Variants in TTC28 observed in about 807,000 individuals in gnomAD.
The protein encoded by TTC28 is tetratricopeptide repeat protein 28.
TTC28 carries 61 observed loss-of-function variants against 198.0 expected under a neutral mutation model. The observed-to-expected ratio is 0.31, with a 90% CI of 0.25 to 0.38. The LOEUF is 0.38. Among genes scored for constraint, TTC28 ranks in the 10% least tolerant of loss-of-function variants. TTC28 has a pLI of 1.00. For missense variants in TTC28, 2,678 were observed against 3,164.0 expected (o/e 0.85, Z 3.69); for synonymous variants, 1,171 against 1,297.8 (o/e 0.90, Z 2.10).
intron 5 of TTC28, among the ~76,000 whole-genome samples, chr22:28,215,188 G>A (rs539383878): frequency 4.6e-5 from 7 of 152,274 alleles, no homozygotes; most frequent in African/African-American, 1.2e-4. Flanking sequence ...TGTAAATGAC[G>A]AGTTAATGGG....
intron 6 of TTC28, among the ~76,000 whole-genome samples, chr22:28,156,920 C>T (rs1296659885): frequency 6.6e-6 from 1 of 151,504 alleles, no homozygotes; most frequent in African/African-American, 2.4e-5. Flanking sequence ...CAAACCAAAC[C>T]CAAAATCAGT....
At chr22:28,347,594 G>C (rs1321079919) in intron 2 of TTC28, among the ~76,000 whole-genome samples, 2 of 152,220 alleles carry the variant, frequency 1.3e-5, no homozygotes, top group African/African-American at 4.8e-5. Context: ...GCACCTGGCT[G>C]AGTGCAGTGG....
At chr22:28,598,334 C>A (rs1217258811) in intron 2 of TTC28, among the ~76,000 whole-genome samples, 7 of 151,502 alleles carry the variant, frequency 4.6e-5, no homozygotes, top group African/African-American at 9.7e-5. Context: ...CATGGTGAAA[C>A]CCCATCTCTA....
chr22:28,462,994 C>T lies in TTC28; in HGVS notation c.382-156351G>A, dbSNP rs550484019. ...GGACAACAGTACAATAGCTTAAATG[C>T]CCATAATTTGATACAGCAAAGATAT... On this transcript the variant is annotated intron_variant, in intron 2 of 22. Transcript: ENST00000397906. Among the ~76,000 whole-genome samples, 83 of 152,124 alleles carry T rather than the reference C, an allele frequency of 5.5e-4. 1 individual carries two copies. Among genetic ancestry groups the T allele is most frequent in the Non-Finnish European group, 1.1e-3 (76 of 68,030 alleles).
At chr22:28,417,721 G>GA (rs1238648424) in intron 2 of TTC28, among the ~76,000 whole-genome samples, 1 of 152,176 alleles carries the variant, frequency 6.6e-6, no homozygotes, top group African/African-American at 2.4e-5. Context: ...CTTCCTGACA[G>GA]AAAAATGGCA....
intron 2 of TTC28, among the ~76,000 whole-genome samples, chr22:28,572,726 G>C (rs118084384): frequency 6.6e-6 from 1 of 152,190 alleles, no homozygotes; most frequent in Non-Finnish European, 1.5e-5. Context: ...GTGTGGGGAA[G>C]AACAGAGCAT....
At chr22:28,198,711 C>T (rs2147146733) in intron 5 of TTC28, among the ~76,000 whole-genome samples, 1 of 152,146 alleles carries the variant, frequency 6.6e-6, no homozygotes, top group East Asian at 1.9e-4. Flanking sequence ...CCCGGTTCCA[C>T]ACACGTATTG....
intron 12 of TTC28, among the ~76,000 whole-genome samples, chr22:28,069,499 C>T (rs1275822057): frequency 6.6e-6 from 1 of 152,162 alleles, no homozygotes; most frequent in Non-Finnish European, 1.5e-5. Flanking sequence ...TGAGAATTAA[C>T]TTGGCATCAC....
At chr22:28,660,137 A>C (rs1174192670) in intron 1 of TTC28, among the ~76,000 whole-genome samples, 1 of 152,318 alleles carries the variant, frequency 6.6e-6, no homozygotes, top group Non-Finnish European at 1.5e-5. Flanking sequence ...TTTTCAGGAA[A>C]TTATATCTTT....
chr22:28,044,985 G>A (rs948413856), intron 12 of TTC28, among the ~76,000 whole-genome samples: 1 of 152,130 alleles, frequency 6.6e-6, no homozygotes, highest in Non-Finnish European at 1.5e-5. Context: ...TAGCCTGTGT[G>A]TATGAATACA....
intron 2 of TTC28, among the ~76,000 whole-genome samples, chr22:28,537,186 G>A (rs887312370): frequency 6.6e-6 from 1 of 151,348 alleles, no homozygotes. Context: ...CCAGCTACTC[G>A]GGAGGCCGAG....
chr22:27,991,127 T>A (rs1020628141), intron 19 of TTC28, among the ~76,000 whole-genome samples: 1 of 151,744 alleles, frequency 6.6e-6, no homozygotes, highest in Admixed American at 6.6e-5. Flanking sequence ...GAAACCAAAG[T>A]CCCTGGTTCC....
chr22:28,523,529 T>A (rs1488325969), intron 2 of TTC28, among the ~76,000 whole-genome samples: 2 of 152,152 alleles, frequency 1.3e-5, no homozygotes, highest in Non-Finnish European at 2.9e-5. Context: ...CAAAGGGATG[T>A]CAAGGGAGGT....
chr22:28,633,278 C>G (rs2051209629), intron 1 of TTC28, among the ~76,000 whole-genome samples: 1 of 137,002 alleles, frequency 7.3e-6, no homozygotes, highest in African/African-American at 2.8e-5. Flanking sequence ...AAGACTCTGT[C>G]TCAAAAAAAA....
Position 28,238,598 on chromosome 22 carries a change from T to A in TTC28, c.933+57600A>T, listed in dbSNP as rs189675876. ...GTTTTTAAGTTTTTTAAGGATGAGT[T>A]GAGCATAGCCTTTACCAGGGCTGTT... is the stretch of plus-strand genomic sequence containing the variant. On this transcript the variant is annotated intron_variant, in intron 5 of 22. Coordinates refer to ENST00000397906, the MANE Select transcript of TTC28 (RefSeq NM_001145418.2). Among the ~76,000 whole-genome samples the A allele has an allele frequency of 1.4e-4, 21 of 152,332 alleles. No individual in the cohort carries two copies. In the Middle Eastern group the frequency reaches 0.01, roughly 74 times the overall value.
intron 2 of TTC28, among the ~76,000 whole-genome samples, chr22:28,485,693 A>G (rs1029821522): frequency 6.6e-6 from 1 of 152,184 alleles, no homozygotes; most frequent in Non-Finnish European, 1.5e-5. Flanking sequence ...ATGAATATCA[A>G]AAGGGAAAGA....
chr22:28,452,250 C>T (rs1161216077), intron 2 of TTC28, among the ~76,000 whole-genome samples: 1 of 151,812 alleles, frequency 6.6e-6, no homozygotes, highest in Non-Finnish European at 1.5e-5. Context: ...ATTAGCTGGG[C>T]ATGGTGGCAT....
chr22:28,354,748 G>T (rs1225625343), intron 2 of TTC28, among the ~76,000 whole-genome samples: 1 of 152,146 alleles, frequency 6.6e-6, no homozygotes, highest in African/African-American at 2.4e-5. Flanking sequence ...ACTGGCACAT[G>T]ACTCAATGTT....
At chr22:28,385,793 C>T (rs2046572988) in intron 2 of TTC28, among the ~76,000 whole-genome samples, 2 of 152,144 alleles carry the variant, frequency 1.3e-5, no homozygotes, top group African/African-American at 4.8e-5. Context: ...TTATCTTTCA[C>T]TAAATATCCC....
Sources: gnomAD v4.1 joint callset for allele counts (sites outside exome capture counted in the v4.1 genomes callset) on GRCh38, gnomAD v4.1.1 for gene constraint, MANE v1.5 for transcripts, NCBI Gene and HGNC (gene_info 2026-07-23, HGNC 2026-07-21) for gene names.